Variants in MYO9A observed in about 807,000 individuals in gnomAD.
The protein encoded by MYO9A is unconventional myosin-IXa.
In MYO9A, 103 loss-of-function variants were observed where a neutral mutation model predicts 293.3. The ratio of observed to expected loss-of-function variants is 0.35; its 90% CI spans 0.30 to 0.41. MYO9A has a LOEUF of 0.41. Ranked by LOEUF, MYO9A falls within the 10% of genes least tolerant of loss-of-function variation. The pLI is 1.00. For synonymous variants in MYO9A, 1,001 were observed against 1,035.7 expected, an observed-to-expected ratio of 0.97 and a Z score of 0.64; for missense variants, 2,685 against 3,033.0, an observed-to-expected ratio of 0.89 and a Z score of 2.69.
intron 1 of MYO9A, among the ~76,000 whole-genome samples, chr15:72,101,640 TG>T (rs555875550): frequency 9.0e-5 from 8 of 89,100 alleles, no homozygotes; most frequent in Admixed American, 3.8e-4. Context: ...AGGAGGGAGG[TG>T]GGGGGGTCAG....
At chr15:71,872,089 T>C (rs931591169) in intron 32 of MYO9A, among the ~76,000 whole-genome samples, 1 of 152,072 alleles carries the variant, frequency 6.6e-6, no homozygotes, top group Non-Finnish European at 1.5e-5. Context: ...AGTTCAAAAT[T>C]TATGATGATA....
chr15:72,006,213 AC>A (rs2077012139), intron 8 of MYO9A, among the ~76,000 whole-genome samples: 1 of 152,022 alleles, frequency 6.6e-6, no homozygotes, highest in Non-Finnish European at 1.5e-5. Flanking sequence ...AACTGGGACT[AC>A]AGGTACACGT....
At chr15:71,885,835 T>C (rs924873986) in intron 27 of MYO9A, among the ~76,000 whole-genome samples, 1 of 152,140 alleles carries the variant, frequency 6.6e-6, no homozygotes, top group African/African-American at 2.4e-5. Context: ...ATCTCCTGAA[T>C]GGAGCCTCTA....
chr15:72,090,389 G>T (rs766825631), intron 1 of MYO9A, among the ~76,000 whole-genome samples: 10 of 151,970 alleles, frequency 6.6e-5, no homozygotes, highest in Non-Finnish European at 7.4e-5. Context: ...ATATTTATTA[G>T]AAACTACTGA....
At chr15:71,982,077 T>C (rs901607061) in intron 11 of MYO9A, among the ~76,000 whole-genome samples, 3 of 125,594 alleles carry the variant, frequency 2.4e-5, no homozygotes, top group Middle Eastern at 5.3e-3. Context: ...TGGAGTGCAG[T>C]GGCCCAATCT....
At chr15:71,854,353 A>C in intron 35 of MYO9A, 24 bp downstream of exon 35, 2 of 1,386,622 alleles carry the variant, frequency 1.4e-6, no homozygotes, top group Non-Finnish European at 1.9e-6. Context: ...GTATTTCATT[A>C]TGATTTAGAG....
intron 18 of MYO9A, among the ~76,000 whole-genome samples, chr15:71,921,945 A>G (rs1278648603): frequency 6.6e-6 from 1 of 151,502 alleles, no homozygotes; most frequent in Non-Finnish European, 1.5e-5. Flanking sequence ...TTCCCTAAAC[A>G]CTGCATGCTG....
At chr15:72,108,845 C>T (rs932155218) in intron 1 of MYO9A, among the ~76,000 whole-genome samples, 1 of 150,634 alleles carries the variant, frequency 6.6e-6, no homozygotes, top group African/African-American at 2.4e-5. Flanking sequence ...TCACCACAAC[C>T]TCCACCTCCC....
chr15:72,053,622 A>C (rs2078635427), intron 1 of MYO9A, among the ~76,000 whole-genome samples: 1 of 152,144 alleles, frequency 6.6e-6, no homozygotes, highest in African/African-American at 2.4e-5. Context: ...GAACACAAAG[A>C]AGGGAGCAAT....
chr15:71,864,340 G>C (rs1282676364), intron 32 of MYO9A, among the ~76,000 whole-genome samples: 1 of 152,182 alleles, frequency 6.6e-6, no homozygotes, highest in African/African-American at 2.4e-5. Flanking sequence ...GCAAATGTTG[G>C]TAAGAATGTG....
At position 71,830,150 on chromosome 15, in the gene MYO9A, C is replaced by T. The variant is rs150553740; in HGVS notation, c.6999G>A (p.Glu2333=). ...EQQQAAMQQE[E]RVLTEQIENL... is the part of the protein sequence containing the mutation. ...TCTCAATCTGCTCAGTCAGTACTCT[C>T]TCCTCCTGCTGCATAGCTGCTTGCT... The change falls in exon 40 of 42, where the codon GAG becomes GAA. Residue 2333 remains glutamate, a synonymous_variant. Transcript: ENST00000356056. 1.2e-4 allele frequency: 197 copies of T among 1,614,020 alleles called. No homozygotes were observed. Among genetic ancestry groups the T allele is most frequent in the Non-Finnish European group, 1.6e-4 (192 of 1,180,000 alleles).
intron 1 of MYO9A, among the ~76,000 whole-genome samples, chr15:72,062,730 A>T (rs1485231693): frequency 2.6e-5 from 4 of 152,230 alleles, no homozygotes; most frequent in Non-Finnish European, 5.9e-5. Context: ...CAAATCTAAG[A>T]GTTATTGAGG....
intron 19 of MYO9A, among the ~76,000 whole-genome samples, chr15:71,905,789 T>A (rs1054126874): frequency 5.3e-4 from 46 of 87,444 alleles, no homozygotes; most frequent in Non-Finnish European, 7.1e-4. Flanking sequence ...AAAAAAAAAA[T>A]TTGGATCTGC....
At chr15:71,883,789 T>A in intron 27 of MYO9A, 53 bp from the exon 28 acceptor site, 1 of 1,453,428 alleles carries the variant, frequency 6.9e-7, no homozygotes, top group Non-Finnish European at 9.4e-7. Flanking sequence ...TCAGTGATAA[T>A]ATTTGTATAT....
In MYO9A at chr15:71,885,631, T is replaced by G. The variant is rs1269337101; in HGVS notation, c.5256-1895A>C. ...ATCATTGTAACAGATTCCTTTTGTCTCTTTTGTTTCATAACAACATGTCTT... is the reference window on the plus strand; with the variant it reads ...ATCATTGTAACAGATTCCTTTTGTCGCTTTTGTTTCATAACAACATGTCTT... On this transcript the variant is annotated intron_variant, in intron 27 of 41. Transcript: ENST00000356056. 2.6e-5 allele frequency among the ~76,000 whole-genome samples: 4 copies of G among 152,192 alleles called. No homozygotes were observed. The East Asian group carries it at 7.7e-4, about 29-fold the overall frequency.
chr15:72,113,387 A>G (rs1241844692), intron 1 of MYO9A, among the ~76,000 whole-genome samples: 1 of 152,224 alleles, frequency 6.6e-6, no homozygotes, highest in Non-Finnish European at 1.5e-5. Context: ...ATCAAATGTA[A>G]AAGACGAGAG....
At chr15:71,903,107 A>G in intron 21 of MYO9A, 44 bp from the exon 22 acceptor site, 6 of 1,504,732 alleles carry the variant, frequency 4.0e-6, no homozygotes, top group Non-Finnish European at 5.5e-6. Context: ...AAAACAGTGT[A>G]TGTAAACAAG....
At chr15:72,044,323 T>C (rs1209224294) in intron 2 of MYO9A, among the ~76,000 whole-genome samples, 1 of 151,952 alleles carries the variant, frequency 6.6e-6, no homozygotes, top group Non-Finnish European at 1.5e-5. Flanking sequence ...GGAGAATCCC[T>C]TGAACCTGGG....
chr15:71,929,561 T>C (rs1463799847), intron 18 of MYO9A, among the ~76,000 whole-genome samples: 1 of 152,242 alleles, frequency 6.6e-6, no homozygotes, highest in Admixed American at 6.5e-5. Flanking sequence ...TTTTTGCTAT[T>C]CACTGTGTTA....
Sources: allele counts gnomAD v4.1 joint callset (sites outside exome capture counted in the v4.1 genomes callset), GRCh38; gene constraint gnomAD v4.1.1; transcripts MANE v1.5; gene names NCBI Gene and HGNC (gene_info 2026-07-23, HGNC 2026-07-21).